Variants in LHFPL6 observed in about 807,000 individuals in gnomAD.
The protein encoded by LHFPL6 is LHFPL tetraspan subfamily member 6 protein.
Under a neutral mutation model 20.6 loss-of-function variants are expected in LHFPL6, and 9 were observed. The observed-to-expected ratio is 0.44, with a 90% CI of 0.26 to 0.76. The LOEUF is 0.76. Among genes scored for constraint, LHFPL6 ranks in the 30% least tolerant of loss-of-function variants. The pLI, the probability that LHFPL6 is intolerant of heterozygous loss-of-function variation, is 0.20. For synonymous variants in LHFPL6, 105 were observed against 98.7 expected, an observed-to-expected ratio of 1.06 and a Z score of -0.38; for missense variants, 218 against 253.5, an observed-to-expected ratio of 0.86 and a Z score of 0.95.
chr13:39,404,840 C>T (rs552326429), intron 2 of LHFPL6, among the ~76,000 whole-genome samples: 1 of 152,302 alleles, frequency 6.6e-6, no homozygotes, highest in East Asian at 1.9e-4. Flanking sequence ...AGCATCTAAG[C>T]ATCTGGTACG....
At chr13:39,501,707 T>C (rs1337114655) in intron 2 of LHFPL6, among the ~76,000 whole-genome samples, 1 of 152,198 alleles carries the variant, frequency 6.6e-6, no homozygotes, top group Non-Finnish European at 1.5e-5. Context: ...TCTCTCCATT[T>C]ACCCCATGGA....
chr13:39,424,116 T>A (rs969518949), intron 2 of LHFPL6, among the ~76,000 whole-genome samples: 2 of 152,228 alleles, frequency 1.3e-5, no homozygotes, highest in Admixed American at 6.5e-5. Context: ...AAAGAGCACA[T>A]ACAAAATAGT....
intron 2 of LHFPL6, among the ~76,000 whole-genome samples, chr13:39,390,353 C>T (rs913964704): frequency 6.6e-6 from 1 of 151,874 alleles, no homozygotes; most frequent in Non-Finnish European, 1.5e-5. Context: ...AAAAAATTAG[C>T]CACGCGTGGT....
intron 2 of LHFPL6, among the ~76,000 whole-genome samples, chr13:39,435,592 C>T (rs898556886): frequency 5.9e-5 from 9 of 152,082 alleles, no homozygotes; most frequent in African/African-American, 2.2e-4. Flanking sequence ...TGAGTAAATT[C>T]TCCATTGAAA....
intron 2 of LHFPL6, among the ~76,000 whole-genome samples, chr13:39,399,068 C>G (rs1454451870): frequency 3.3e-5 from 5 of 152,144 alleles, no homozygotes; most frequent in African/African-American, 1.2e-4. Flanking sequence ...TTCCTAGTGC[C>G]TTCCTAGTGC....
chr13:39,516,774 G>GAACTTA (rs5802994), intron 2 of LHFPL6, among the ~76,000 whole-genome samples: 50,149 of 152,028 alleles, frequency 0.33, 8,595 homozygotes, highest in East Asian at 0.5. Flanking sequence ...ATTAGATGTG[G>GAACTTA]ATTTACTCTG....
chr13:39,506,823 A>T (rs577455945), intron 2 of LHFPL6, among the ~76,000 whole-genome samples: 7 of 152,318 alleles, frequency 4.6e-5, no homozygotes, highest in Non-Finnish European at 8.8e-5. Flanking sequence ...ACTTGACAGC[A>T]CAAGAAAAGG....
At chr13:39,503,211 C>T (rs1426482475) in intron 2 of LHFPL6, among the ~76,000 whole-genome samples, 1 of 152,192 alleles carries the variant, frequency 6.6e-6, no homozygotes, top group Non-Finnish European at 1.5e-5. Context: ...CACATCGCTC[C>T]CTCCCTCATT....
chr13:39,408,309 G>T (rs1226242232), intron 2 of LHFPL6, among the ~76,000 whole-genome samples: 1 of 152,218 alleles, frequency 6.6e-6, no homozygotes, highest in Non-Finnish European at 1.5e-5. Context: ...GCAGGCAGAA[G>T]TCTTTCCCCA....
chr13:39,489,551 CT>C (rs33943302), intron 2 of LHFPL6, among the ~76,000 whole-genome samples: 1 of 148,540 alleles, frequency 6.7e-6, no homozygotes, highest in Non-Finnish European at 1.5e-5. Flanking sequence ...TATGCTGTGG[CT>C]TTTTTTTTGG....
intron 3 of LHFPL6, among the ~76,000 whole-genome samples, chr13:39,353,135 A>G (rs936649968): frequency 1.3e-5 from 2 of 150,542 alleles, no homozygotes; most frequent in Non-Finnish European, 3.0e-5. Context: ...GGTGTGTGCC[A>G]CCATGCCCAG....
rs1869311061 is a variant in LHFPL6, at chr13:39,343,665, A to T, written c.*271T>A. 2.8e-6 allele frequency: 1 copy of T among 354,124 alleles called. No individual in the cohort carries two copies. The highest frequency in any genetic ancestry group is 4.6e-5 in the Admixed American group (1 of 21,694). The allele number at this position is 354,124 out of a possible 1,614,324, so 21.9% of individuals were successfully genotyped here. A position where few individuals can be genotyped will look rare whatever the true frequency, so the allele number is the denominator to read the frequency against. ...TGTGTGTGTGTTGTACATTAACAAT[A>T]CTCTGTGGAATAGAAACACCCGATG... On this transcript the variant is annotated 3_prime_UTR_variant, in exon 4 of 4. Transcript: ENST00000379589.
At chr13:39,582,006 T>C (rs994307072) in intron 2 of LHFPL6, among the ~76,000 whole-genome samples, 53 of 152,234 alleles carry the variant, frequency 3.5e-4, no homozygotes. Context: ...TACCCTGATC[T>C]TTCTCATGAG....
intron 3 of LHFPL6, among the ~76,000 whole-genome samples, chr13:39,370,426 G>A (rs1024377933): frequency 6.6e-6 from 1 of 152,198 alleles, no homozygotes; most frequent in East Asian, 1.9e-4. Flanking sequence ...AAAATATTCA[G>A]TTAATAGTCA....
chr13:39,486,338 G>A (rs1316854871), intron 2 of LHFPL6, among the ~76,000 whole-genome samples: 7 of 152,152 alleles, frequency 4.6e-5, no homozygotes, highest in Non-Finnish European at 8.8e-5. Flanking sequence ...CTGCAGCAAG[G>A]CAGTTACTGT....
intron 2 of LHFPL6, among the ~76,000 whole-genome samples, chr13:39,444,134 G>C (rs537789538): frequency 6.6e-6 from 1 of 152,144 alleles, no homozygotes; most frequent in Non-Finnish European, 1.5e-5. Flanking sequence ...TTTGTGGAAC[G>C]GGGGACTCAA....
chr13:39,549,801 A>C (rs982535268), intron 2 of LHFPL6, among the ~76,000 whole-genome samples: 12 of 152,136 alleles, frequency 7.9e-5, no homozygotes, highest in African/African-American at 2.7e-4. Flanking sequence ...GATACCAAAA[A>C]TGTGATATAG....
At chr13:39,562,479 T>TATAC (rs1871539439) in intron 2 of LHFPL6, among the ~76,000 whole-genome samples, 1 of 133,690 alleles carries the variant, frequency 7.5e-6, no homozygotes, top group South Asian at 2.4e-4. Context: ...TATACACATA[T>TATAC]ACATATATAC....
intron 3 of LHFPL6, among the ~76,000 whole-genome samples, chr13:39,373,330 G>T (rs996038821): frequency 3.3e-5 from 5 of 152,174 alleles, no homozygotes; most frequent in African/African-American, 9.7e-5. Context: ...ATGGTCAGAG[G>T]GGGCTGTCAG....
Sources: allele counts gnomAD v4.1 joint callset (sites outside exome capture counted in the v4.1 genomes callset), GRCh38; gene constraint gnomAD v4.1.1; transcripts MANE v1.5; gene names NCBI Gene and HGNC (gene_info 2026-07-23, HGNC 2026-07-21).